RANBP2: variants seen among roughly 807,000 people sequenced by gnomAD.
RANBP2 encodes the protein RAN binding protein 2.
In RANBP2, 57 loss-of-function variants were observed where a neutral mutation model predicts 303.6. The ratio of observed to expected loss-of-function variants is 0.19; its 90% CI spans 0.15 to 0.23. RANBP2 has a LOEUF of 0.23. Among genes scored for constraint, RANBP2 ranks in the 10% least tolerant of loss-of-function variants. The pLI is 1.00. For synonymous variants in RANBP2, 1,167 were observed against 1,301.5 expected (o/e 0.90, Z 2.23); for missense variants, 3,138 against 3,780.8 (o/e 0.83, Z 4.46).
the RANBP2 span, among the ~76,000 whole-genome samples, chr2:109,388,624 A>G: frequency 6.6e-6 from 1 of 152,252 alleles, no homozygotes; most frequent in Non-Finnish European, 1.5e-5. Context: ...TGCTAGCTGC[A>G]TTCATTCAAA....
the RANBP2 span, among the ~76,000 whole-genome samples, chr2:109,340,312 C>T: frequency 6.6e-6 from 1 of 152,078 alleles, no homozygotes; most frequent in Non-Finnish European, 1.5e-5. Flanking sequence ...GTGGGTCTCG[C>T]AGGTAGAGGT....
the RANBP2 span, among the ~76,000 whole-genome samples, chr2:109,309,011 G>T: frequency 1.2e-5 from 1 of 81,366 alleles, no homozygotes; most frequent in Non-Finnish European, 2.1e-5. Context: ...AAATTACCTT[G>T]GGCAGTATGG....
At chr2:109,004,959 C>T in the RANBP2 span, among the ~76,000 whole-genome samples, 1 of 152,232 alleles carries the variant, frequency 6.6e-6, no homozygotes, top group African/African-American at 2.4e-5. Context: ...TTCTCACTCA[C>T]ATATGTTCAG....
chr2:109,001,795 A>C, the RANBP2 span, among the ~76,000 whole-genome samples: 1 of 152,010 alleles, frequency 6.6e-6, no homozygotes, highest in African/African-American at 2.4e-5. Context: ...CAGAGGCGCA[A>C]TCTCGGCTCA....
At chr2:109,086,742 G>A in the RANBP2 span, among the ~76,000 whole-genome samples, 7 of 152,160 alleles carry the variant, frequency 4.6e-5, no homozygotes, top group Non-Finnish European at 8.8e-5. Flanking sequence ...TCTTGGGACC[G>A]TCTTCCCTGT....
At chr2:109,274,330 C>T in the RANBP2 span, among the ~76,000 whole-genome samples, 632 of 152,252 alleles carry the variant, frequency 4.2e-3, 2 homozygotes, top group African/African-American at 0.014. Context: ...AACAAGTATA[C>T]AAATGTTCAT....
At chr2:108,912,509 A>G in the RANBP2 span, among the ~76,000 whole-genome samples, 1 of 152,164 alleles carries the variant, frequency 6.6e-6, no homozygotes, top group East Asian at 1.9e-4. Flanking sequence ...TTGCAGATAT[A>G]ATGACTTCCT....
the RANBP2 span, among the ~76,000 whole-genome samples, chr2:109,221,730 A>G: frequency 6.6e-6 from 1 of 152,102 alleles, no homozygotes; most frequent in Non-Finnish European, 1.5e-5. Context: ...GGACGTGGAG[A>G]AAAGGGAACT....
the RANBP2 span, chr2:109,565,740 T>C: frequency 1.3e-6 from 2 of 1,578,750 alleles, no homozygotes; most frequent in Non-Finnish European, 1.7e-6. Flanking sequence ...TACATATTTC[T>C]AGTCATCCTT....
chr2:109,612,318 A>G, the RANBP2 span, among the ~76,000 whole-genome samples: 4 of 152,222 alleles, frequency 2.6e-5, no homozygotes, highest in Admixed American at 1.3e-4. Flanking sequence ...AGGGCAGGAA[A>G]GAAGTGTGTG....
the RANBP2 span, among the ~76,000 whole-genome samples, chr2:108,803,112 C>T: frequency 6.6e-6 from 1 of 152,164 alleles, no homozygotes; most frequent in Non-Finnish European, 1.5e-5. Context: ...CTATGCTGCT[C>T]TGGGTGTTTT....
At chr2:109,125,321 C>T in the RANBP2 span, among the ~76,000 whole-genome samples, 1 of 152,186 alleles carries the variant, frequency 6.6e-6, no homozygotes, top group Non-Finnish European at 1.5e-5. Flanking sequence ...TTAGAATTAT[C>T]TGACTATCAC....
the RANBP2 span, chr2:109,618,908 C>T: frequency 6.0e-6 from 1 of 167,002 alleles, no homozygotes; most frequent in African/African-American, 2.4e-5. Flanking sequence ...TGCCTTGTCT[C>T]TCCTATTTTT....
At chr2:108,910,456 A>G in the RANBP2 span, 2 of 1,612,124 alleles carry the variant, frequency 1.2e-6, no homozygotes, top group Non-Finnish European at 1.7e-6. Flanking sequence ...GGGCTTCCAC[A>G]TACCTCTTGG....
the RANBP2 span, among the ~76,000 whole-genome samples, chr2:109,507,291 C>G: frequency 1.3e-5 from 2 of 152,212 alleles, no homozygotes; most frequent in Non-Finnish European, 2.9e-5. Flanking sequence ...GACCAGGGAC[C>G]GTCTTGGAAT....
chr2:109,536,325 A>AC, the RANBP2 span, among the ~76,000 whole-genome samples: 1 of 152,190 alleles, frequency 6.6e-6, no homozygotes, highest in Non-Finnish European at 1.5e-5. Flanking sequence ...GACCATGGGA[A>AC]CCCACCTCTT....
At chr2:108,898,891 A>C in the RANBP2 span, among the ~76,000 whole-genome samples, 1 of 152,242 alleles carries the variant, frequency 6.6e-6, no homozygotes. Flanking sequence ...TCAATCAGAG[A>C]AAATAAACTG....
the RANBP2 span, among the ~76,000 whole-genome samples, chr2:109,078,121 G>GTATATATA: frequency 2.1e-5 from 1 of 48,002 alleles, no homozygotes; most frequent in African/African-American, 8.5e-5. Flanking sequence ...TATATATAGC[G>GTATATATA]TGTATATATA....
chr2:109,095,170 C>T, the RANBP2 span, among the ~76,000 whole-genome samples: 80,238 of 151,536 alleles, frequency 0.53, 22,262 homozygotes, highest in South Asian at 0.66. Context: ...GTCATTCCCC[C>T]GCTAGTTATG....
Sources: gnomAD v4.1 joint callset for allele counts (sites outside exome capture counted in the v4.1 genomes callset) on GRCh38, gnomAD v4.1.1 for gene constraint, MANE v1.5 for transcripts, NCBI Gene and HGNC (gene_info 2026-07-23, HGNC 2026-07-21) for gene names.